The following IL1RAPL2 variants were observed in gnomAD, a reference collection of about 807,000 sequenced individuals.
The protein encoded by IL1RAPL2 is X-linked interleukin-1 receptor accessory protein-like 2.
A neutral mutation model predicts 44.1 loss-of-function variants in IL1RAPL2; 3 were observed. That is an observed-to-expected ratio of 0.07 (90% CI 0.03 to 0.18). The LOEUF (loss-of-function observed/expected upper bound fraction) is 0.18, where lower values mean the gene tolerates loss of function less well. IL1RAPL2 is among the 10% of genes least tolerant of loss of function. The pLI, the probability that IL1RAPL2 is intolerant of heterozygous loss-of-function variation, is 1.00. For missense variants in IL1RAPL2, 391 were observed against 496.4 expected (o/e 0.79, Z 2.02); for synonymous variants, 181 against 178.8 (o/e 1.01, Z -0.10).
intron 2 of IL1RAPL2, among the ~76,000 whole-genome samples, chrX:104,890,947 C>G (rs974266046): frequency 1.3e-4 from 14 of 111,889 alleles, no homozygotes; most frequent in African/African-American, 4.2e-4. Flanking sequence ...ACATTTAATT[C>G]TTTACTCCCT....
chrX:104,973,745 A>T (rs1029388612), intron 2 of IL1RAPL2, among the ~76,000 whole-genome samples: 3 of 111,939 alleles, frequency 2.7e-5, no homozygotes, highest in African/African-American at 9.7e-5. Flanking sequence ...ACCTTATCAT[A>T]ATTTACACAG....
intron 1 of IL1RAPL2, among the ~76,000 whole-genome samples, chrX:104,598,836 C>T (rs1928818187): frequency 8.9e-6 from 1 of 112,579 alleles, no homozygotes; most frequent in African/African-American, 3.2e-5. Flanking sequence ...CCTAGAGTTA[C>T]TCTAATGGTA....
chrX:105,691,679 C>A (rs981834204), intron 6 of IL1RAPL2, among the ~76,000 whole-genome samples: 1 of 111,615 alleles, frequency 9.0e-6, no homozygotes, highest in African/African-American at 3.2e-5. Context: ...GGCTCTCATA[C>A]AGATATAAAA....
In IL1RAPL2 at chrX:104,647,571, C is replaced by T. The variant is rs1602660865; in HGVS notation, c.-19-11324C>T. The T allele has an allele frequency of 7.8e-6, 4 of 515,143 alleles. No homozygotes were observed. The East Asian group carries it at 1.4e-4, about 18-fold the overall frequency. The allele number at this position is 515,143 out of a possible 1,213,427, so 42.5% of individuals were successfully genotyped here. A position where few individuals can be genotyped will look rare whatever the true frequency, so the allele number is the denominator to read the frequency against. On this transcript the variant is annotated intron_variant, in intron 1 of 10. Transcript: ENST00000372582. ...TCACTCACCTGCCTGGAGAGCAGCT[C>T]TCTCTGGGTGATTAGTTCTCCAGCA... is the stretch of plus-strand genomic sequence containing the variant.
intron 6 of IL1RAPL2, among the ~76,000 whole-genome samples, chrX:105,540,936 ATATAT>A (rs1319887576): frequency 1.4e-4 from 14 of 99,862 alleles, no homozygotes; most frequent in Non-Finnish European, 2.4e-4. Context: ...TAATATATAC[ATATAT>A]TATATATGAT....
intron 9 of IL1RAPL2, among the ~76,000 whole-genome samples, chrX:105,750,832 A>G (rs1204773582): frequency 9.2e-6 from 1 of 108,844 alleles, no homozygotes; most frequent in Non-Finnish European, 1.9e-5. Context: ...AACAGTTAAT[A>G]TTGAAAAATC....
At chrX:104,575,871 A>G (rs939011452) in intron 1 of IL1RAPL2, among the ~76,000 whole-genome samples, 5 of 112,065 alleles carry the variant, frequency 4.5e-5, no homozygotes, top group African/African-American at 1.6e-4. Context: ...CTGAGGAAAG[A>G]AAACCAGATC....
intron 6 of IL1RAPL2, among the ~76,000 whole-genome samples, chrX:105,531,713 C>T (rs891177656): frequency 6.3e-5 from 7 of 111,577 alleles, no homozygotes; most frequent in African/African-American, 2.3e-4. Context: ...ATACTTAATC[C>T]ATTTTGATTT....
chrX:105,327,664 T>G (rs1214685589), intron 5 of IL1RAPL2, among the ~76,000 whole-genome samples: 3 of 111,464 alleles, frequency 2.7e-5, no homozygotes, highest in East Asian at 5.7e-4. Flanking sequence ...GTTTACTGAG[T>G]GGGAAGTCCA....
intron 2 of IL1RAPL2, among the ~76,000 whole-genome samples, chrX:104,879,365 T>TAAAAAAA (rs753494292): frequency 3.5e-4 from 11 of 31,029 alleles, no homozygotes; most frequent in African/African-American, 1.9e-3. Flanking sequence ...GCAAAACTAG[T>TAAAAAAA]AAAAAAAAAA....
intron 2 of IL1RAPL2, among the ~76,000 whole-genome samples, chrX:104,838,258 A>G (rs1421105742): frequency 1.8e-5 from 2 of 111,620 alleles, no homozygotes; most frequent in Non-Finnish European, 3.8e-5. Context: ...TCTTATTCTG[A>G]GAAGAAAGTC....
intron 5 of IL1RAPL2, among the ~76,000 whole-genome samples, chrX:105,293,605 T>C (rs985945758): frequency 1.8e-5 from 2 of 112,369 alleles, no homozygotes; most frequent in African/African-American, 3.2e-5. Flanking sequence ...ATTTGGTTTA[T>C]CTTATTATGA....
intron 1 of IL1RAPL2, among the ~76,000 whole-genome samples, chrX:104,616,855 C>T (rs749410714): frequency 4.7e-4 from 53 of 112,064 alleles, no homozygotes; most frequent in African/African-American, 1.4e-3. Flanking sequence ...CCCGCACAGC[C>T]GGCTCTGCGT....
chrX:105,246,618 T>G (rs769117616), intron 4 of IL1RAPL2, among the ~76,000 whole-genome samples: 1 of 111,584 alleles, frequency 9.0e-6, no homozygotes, highest in Non-Finnish European at 1.9e-5. Flanking sequence ...GGGGTTGAAT[T>G]TCTCCTTGTC....
chrX:104,980,877 C>T (rs1316190687), intron 2 of IL1RAPL2, among the ~76,000 whole-genome samples: 2 of 111,289 alleles, frequency 1.8e-5, no homozygotes, highest in African/African-American at 6.5e-5. Context: ...ATAGGAATAG[C>T]ATTGAATCTA....
chrX:105,673,923 T>A (rs1479181443), intron 6 of IL1RAPL2, among the ~76,000 whole-genome samples: 2 of 112,284 alleles, frequency 1.8e-5, no homozygotes, highest in African/African-American at 6.5e-5. Flanking sequence ...TGATCAGTGA[T>A]GTTGATCTTT....
chrX:105,336,314 T>C (rs974654859), intron 5 of IL1RAPL2, among the ~76,000 whole-genome samples: 1 of 112,306 alleles, frequency 8.9e-6, no homozygotes, highest in African/African-American at 3.2e-5. Flanking sequence ...AAGATGTTTG[T>C]GTTTTTCTGA....
At chrX:105,165,932 A>T (rs2033367982) in intron 2 of IL1RAPL2, among the ~76,000 whole-genome samples, 1 of 111,537 alleles carries the variant, frequency 9.0e-6, no homozygotes, top group Admixed American at 9.6e-5. Flanking sequence ...CTTTCGTGGT[A>T]TATTGAAGAT....
intron 2 of IL1RAPL2, among the ~76,000 whole-genome samples, chrX:104,954,040 T>G (rs998454489): frequency 5.4e-5 from 6 of 111,817 alleles, no homozygotes; most frequent in African/African-American, 2.0e-4. Flanking sequence ...GAAGACAGAT[T>G]GAAGGGATAT....
Sources: allele counts gnomAD v4.1 joint callset (sites outside exome capture counted in the v4.1 genomes callset), GRCh38; gene constraint gnomAD v4.1.1; transcripts MANE v1.5; gene names NCBI Gene and HGNC (gene_info 2026-07-23, HGNC 2026-07-21).